LMCD1: variants seen among roughly 807,000 people sequenced by gnomAD.
The protein encoded by LMCD1 is LIM and cysteine-rich domains protein 1.
LMCD1 carries 32 observed loss-of-function variants against 42.7 expected under a neutral mutation model. The observed-to-expected ratio is 0.75, with a 90% CI of 0.57 to 1.01. The LOEUF (loss-of-function observed/expected upper bound fraction) is 1.01, where lower values mean the gene tolerates loss of function less well. Among genes scored for constraint, LMCD1 ranks in the 50% least tolerant of loss-of-function variants. LMCD1 has a pLI of 0.00. For synonymous variants in LMCD1, 178 were observed against 184.9 expected (o/e 0.96, Z 0.30); for missense variants, 458 against 483.1 (o/e 0.95, Z 0.49).
rs146013183 is a variant in LMCD1, at chr3:8,555,419, A to G, written c.723+6516A>G. On this transcript the variant is annotated intron_variant, in intron 4 of 5. Coordinates refer to ENST00000157600, the MANE Select transcript of LMCD1 (RefSeq NM_014583.4). ...ACTTAGTGAGCCCCATCTGAGCTGGAGGACAGGAGGGTAAGAGGCCCAGAG... is the reference window on the plus strand; with the variant it reads ...ACTTAGTGAGCCCCATCTGAGCTGGGGGACAGGAGGGTAAGAGGCCCAGAG... Among the ~76,000 whole-genome samples, 389 of 152,296 alleles carry G rather than the reference A, an allele frequency of 2.6e-3. 3 individuals carry two copies. Among genetic ancestry groups the G allele is most frequent in the Admixed American group, 7.4e-3 (113 of 15,302 alleles).
chr3:8,525,488 T>C (rs1694282645), intron 1 of LMCD1, among the ~76,000 whole-genome samples: 1 of 152,182 alleles, frequency 6.6e-6, no homozygotes, highest in African/African-American at 2.4e-5. Context: ...TTAGGTTGTT[T>C]CCATATCTTG....
chr3:8,511,718 T>C (rs1694004937), intron 1 of LMCD1, among the ~76,000 whole-genome samples: 1 of 152,230 alleles, frequency 6.6e-6, no homozygotes, highest in Admixed American at 6.5e-5. Context: ...TGTGGAGAAA[T>C]ACATTCCACT....
At chr3:8,548,003 A>G (rs1484741303) in intron 3 of LMCD1, among the ~76,000 whole-genome samples, 1 of 152,232 alleles carries the variant, frequency 6.6e-6, no homozygotes, top group African/African-American at 2.4e-5. Flanking sequence ...ATGTGACTGT[A>G]CTGAATACTA....
chr3:8,560,704 T>A (rs1262181099), intron 4 of LMCD1, among the ~76,000 whole-genome samples: 1 of 152,200 alleles, frequency 6.6e-6, no homozygotes, highest in African/African-American at 2.4e-5. Context: ...TGAAAATAAG[T>A]AGATGATGAC....
At chr3:8,544,894 A>G (rs1283710129) in intron 3 of LMCD1, among the ~76,000 whole-genome samples, 3 of 152,128 alleles carry the variant, frequency 2.0e-5, no homozygotes, top group Non-Finnish European at 4.4e-5. Context: ...AGGATGAGCA[A>G]TTTGCCTCTC....
intron 1 of LMCD1, among the ~76,000 whole-genome samples, chr3:8,503,602 A>T (rs1011463957): frequency 9.9e-5 from 15 of 152,228 alleles, no homozygotes; most frequent in African/African-American, 3.6e-4. Flanking sequence ...CTGTTTGAAC[A>T]TAGCACACCA....
chr3:8,555,920 G>T (rs1045151640), intron 4 of LMCD1, among the ~76,000 whole-genome samples: 7 of 152,056 alleles, frequency 4.6e-5, no homozygotes, highest in Admixed American at 3.3e-4. Flanking sequence ...CCCTGGCTGT[G>T]TTCCAATCAA....
chr3:8,567,629 G>A lies in LMCD1; in HGVS notation c.*31G>A. On this transcript the variant is annotated 3_prime_UTR_variant, in exon 6 of 6. Transcript: ENST00000157600. ...TGCCCACCCACAGCCAGAATCCACA[G>A]GATCCCACCGAGAAGGAGAGCCAGG... The A allele has an allele frequency of 6.3e-7, 1 of 1,595,070 alleles. No homozygotes were observed. Among genetic ancestry groups the A allele is most frequent in the African/African-American group, 1.3e-5 (1 of 74,236 alleles).
At chr3:8,541,330 AC>A (rs1485830097) in intron 3 of LMCD1, among the ~76,000 whole-genome samples, 2 of 152,100 alleles carry the variant, frequency 1.3e-5, no homozygotes, top group Non-Finnish European at 2.9e-5. Flanking sequence ...CAGGTGGATC[AC>A]CTGAGGTCAG....
intron 1 of LMCD1, among the ~76,000 whole-genome samples, chr3:8,527,392 GATA>G (rs751386910): frequency 6.6e-6 from 1 of 152,174 alleles, no homozygotes; most frequent in Non-Finnish European, 1.5e-5. Flanking sequence ...GAATAATGAT[GATA>G]ATAATTATAC....
intron 2 of LMCD1, among the ~76,000 whole-genome samples, chr3:8,535,723 C>T (rs1385398124): frequency 6.6e-6 from 1 of 152,214 alleles, no homozygotes; most frequent in Non-Finnish European, 1.5e-5. Flanking sequence ...TATATAATTT[C>T]CATCTGATTT....
intron 4 of LMCD1, among the ~76,000 whole-genome samples, chr3:8,563,852 G>A (rs765190442): frequency 1.3e-5 from 2 of 152,222 alleles, no homozygotes; most frequent in Non-Finnish European, 2.9e-5. Flanking sequence ...GATGTGATAA[G>A]AGGAGCAGTT....
intron 3 of LMCD1, among the ~76,000 whole-genome samples, chr3:8,539,589 G>A (rs977911914): frequency 1.2e-4 from 18 of 152,006 alleles, no homozygotes; most frequent in Admixed American, 2.0e-4. Flanking sequence ...AGCTGGCTGC[G>A]GGCTTCAGGG....
chr3:8,535,490 A>G (rs1364293042), intron 2 of LMCD1, among the ~76,000 whole-genome samples: 1 of 152,202 alleles, frequency 6.6e-6, no homozygotes, highest in African/African-American at 2.4e-5. Context: ...AGTAGCATTC[A>G]AAATGTCATG....
chr3:8,522,263 G>A (rs878937814), intron 1 of LMCD1, among the ~76,000 whole-genome samples: 1 of 152,224 alleles, frequency 6.6e-6, no homozygotes, highest in Admixed American at 6.5e-5. Flanking sequence ...CCCCTGGAGG[G>A]GAAGGCAGAG....
At chr3:8,525,398 T>C (rs1029401492) in intron 1 of LMCD1, among the ~76,000 whole-genome samples, 7 of 151,860 alleles carry the variant, frequency 4.6e-5, no homozygotes, top group Middle Eastern at 3.4e-3. Flanking sequence ...TATTATTCCA[T>C]TGTGTGTGTG....
chr3:8,505,641 A>G (rs1693864099), intron 1 of LMCD1, among the ~76,000 whole-genome samples: 1 of 152,262 alleles, frequency 6.6e-6, no homozygotes, highest in South Asian at 2.1e-4. Context: ...GAGGGATCCA[A>G]TTAGAAATTC....
At chr3:8,527,627 T>C (rs1694325280) in intron 1 of LMCD1, among the ~76,000 whole-genome samples, 1 of 152,208 alleles carries the variant, frequency 6.6e-6, no homozygotes, top group African/African-American at 2.4e-5. Context: ...TGTTGACCAA[T>C]AATCTTTAAT....
intron 3 of LMCD1, among the ~76,000 whole-genome samples, chr3:8,544,526 G>A (rs1694697566): frequency 6.6e-6 from 1 of 152,074 alleles, no homozygotes; most frequent in Non-Finnish European, 1.5e-5. Flanking sequence ...AGTCCCACAG[G>A]AGCTCAGGTC....
Sources: gnomAD v4.1 joint callset for allele counts (sites outside exome capture counted in the v4.1 genomes callset) on GRCh38, gnomAD v4.1.1 for gene constraint, MANE v1.5 for transcripts, NCBI Gene and HGNC (gene_info 2026-07-23, HGNC 2026-07-21) for gene names.